MGAT5B: variants seen among roughly 807,000 people sequenced by gnomAD.
MGAT5B encodes the protein N-acetylglucosaminyl-transferase Vb.
Under a neutral mutation model 95.1 loss-of-function variants are expected in MGAT5B, and 54 were observed. That is an observed-to-expected ratio of 0.57 (90% CI 0.46 to 0.71). The LOEUF is 0.71. Ranked by LOEUF, MGAT5B falls within the 30% of genes least tolerant of loss-of-function variation. The probability of loss-of-function intolerance (pLI) is 0.00; values close to 1 mark genes in which losing one functional copy is unlikely to be tolerated. For synonymous variants in MGAT5B, 464 were observed against 451.0 expected (o/e 1.03, Z -0.36); for missense variants, 935 against 1,088.6 (o/e 0.86, Z 1.99).
intron 8 of MGAT5B, among the ~76,000 whole-genome samples, chr17:76,922,339 G>T (rs762700174): frequency 1.3e-5 from 2 of 152,202 alleles, no homozygotes; most frequent in South Asian, 2.1e-4. Context: ...TGCAAGGAAG[G>T]ATACAGAGGG....
At chr17:76,923,134 C>G (rs1427080887) in intron 8 of MGAT5B, among the ~76,000 whole-genome samples, 1 of 152,226 alleles carries the variant, frequency 6.6e-6, no homozygotes, top group African/African-American at 2.4e-5. Flanking sequence ...ATGGTGCGCA[C>G]AGTCCCCTCC....
chr17:76,890,662 C>A (rs1967830238), intron 3 of MGAT5B, among the ~76,000 whole-genome samples: 1 of 151,992 alleles, frequency 6.6e-6, no homozygotes, highest in African/African-American at 2.4e-5. Flanking sequence ...TGCCACCATC[C>A]CTGGCTAATT....
rs776718727 is a variant in MGAT5B, at chr17:76,882,219, C to T, written c.250C>T (p.Arg84Cys). The T allele has an allele frequency of 3.1e-6, 5 of 1,613,686 alleles. No homozygotes were observed. Among genetic ancestry groups the T allele is most frequent in the Admixed American group, 3.3e-5 (2 of 60,016 alleles). The change falls in exon 3 of 18, where the codon CGC (arginine) becomes TGC (cysteine). Residue 84 changes from arginine to cysteine, a missense_variant. By Grantham distance (180) the Arg-to-Cys change is radical. Around this residue, in one of 4 missense-constraint regions of MGAT5B, gnomAD observed 243 missense variants for 228.2 expected, o/e 1.06. Coordinates refer to ENST00000569840, the MANE Select transcript of MGAT5B (RefSeq NM_001199172.2). ...MSDLLELMVK[R>C]MDALARLENS... ...CGACCTGCTGGAGCTGATGGTGAAG[C>T]GCATGGACGCACTGGCCAGGCTGGA...
chr17:76,942,507 A>G (rs1969892440), intron 15 of MGAT5B, among the ~76,000 whole-genome samples: 1 of 152,178 alleles, frequency 6.6e-6, no homozygotes, highest in Non-Finnish European at 1.5e-5. Flanking sequence ...AGCCTCGGTG[A>G]CAGAGCGAGA....
Position 76,918,200 on chromosome 17 carries a change from C to T in MGAT5B, c.1026-6766C>T, listed in dbSNP as rs917192108. Among the ~76,000 whole-genome samples the T allele has an allele frequency of 5.3e-5, 8 of 152,078 alleles. No individual in the cohort carries two copies. The highest frequency in any genetic ancestry group is 3.9e-4 in the East Asian group (2 of 5,176). Reference sequence around the variant, plus strand: ...CGGAGGCTCCCCCCCAACAACTGCACGCCTTGTACCGCACCCCCACCCCCG... The same window carrying T: ...CGGAGGCTCCCCCCCAACAACTGCATGCCTTGTACCGCACCCCCACCCCCG... On this transcript the variant is annotated intron_variant, in intron 8 of 17. Coordinates refer to ENST00000569840, the MANE Select transcript of MGAT5B (RefSeq NM_001199172.2). This position sits in a 1 kb window ranked among gnomAD's most constrained non-coding sequence, Gnocchi z 5.1.
intron 3 of MGAT5B, among the ~76,000 whole-genome samples, chr17:76,896,830 G>A (rs1968079219): frequency 6.6e-6 from 1 of 152,156 alleles, no homozygotes. Flanking sequence ...AGCGGCAGGA[G>A]AATTAAAGCT....
intron 3 of MGAT5B, among the ~76,000 whole-genome samples, chr17:76,886,037 G>A (rs1598903881): frequency 6.6e-6 from 1 of 152,186 alleles, no homozygotes; most frequent in Admixed American, 6.5e-5. Context: ...GTTTCCTCAG[G>A]GAAAGTAAAT....
Position 76,946,390 on chromosome 17 carries a change from A to G in MGAT5B, c.1863A>G (p.Leu621=). 2.5e-6 allele frequency: 4 copies of G among 1,607,992 alleles called. No homozygotes were observed. Among genetic ancestry groups the G allele is most frequent in the Non-Finnish European group, 3.4e-6 (4 of 1,176,944 alleles). The part of the protein sequence containing the change: ...AIMRTQVDPY[L]PYEYTCEGML... ...CCCTCCCACAGGTAGACCCCTACCT[A>G]CCCTACGAGTACACCTGCGAGGGGA... The change falls in exon 16 of 18, where the codon CTA becomes CTG. Residue 621 remains leucine (L), a synonymous_variant. Coordinates refer to ENST00000569840, the MANE Select transcript of MGAT5B (RefSeq NM_001199172.2).
At chr17:76,901,042 A>G (rs113866386) in intron 3 of MGAT5B, among the ~76,000 whole-genome samples, 217 of 152,050 alleles carry the variant, frequency 1.4e-3, no homozygotes, top group African/African-American at 5.0e-3. Flanking sequence ...TGTCCCCTCC[A>G]CTTCGGTGTC....
chr17:76,895,086 C>T (rs540804003), intron 3 of MGAT5B, among the ~76,000 whole-genome samples: 45 of 152,206 alleles, frequency 3.0e-4, no homozygotes, highest in Admixed American at 2.3e-3. Context: ...TCATCGCTCG[C>T]GTTACCACTT....
At chr17:76,902,486 C>A in intron 3 of MGAT5B, 69 bp from the exon 4 acceptor site, 1 of 1,209,426 alleles carries the variant, frequency 8.3e-7, no homozygotes, top group Non-Finnish European at 1.2e-6. Flanking sequence ...GTGGGCCTTA[C>A]TGGCAGGACC....
In MGAT5B at chr17:76,869,618, G is replaced by T. The variant is rs1280931248; in HGVS notation, c.68+521G>T. On this transcript the variant is annotated intron_variant, in intron 1 of 17. Coordinates refer to ENST00000569840, the MANE Select transcript of MGAT5B (RefSeq NM_001199172.2). The surrounding 1 kb of genome is among the most constrained non-coding windows in gnomAD (Gnocchi z 7.0). Reference sequence around the variant, plus strand: ...CACTGCTCTCCTCCCCGCGGGGCTCGGGCCTGGCTCCGACGAGAGGGTCCC... The same window carrying T: ...CACTGCTCTCCTCCCCGCGGGGCTCTGGCCTGGCTCCGACGAGAGGGTCCC... Among the ~76,000 whole-genome samples the T allele has an allele frequency of 1.3e-5, 2 of 152,186 alleles. No individual in the cohort carries two copies. The highest frequency in any genetic ancestry group is 2.9e-5 in the Non-Finnish European group (2 of 68,014).
At chr17:76,936,755 G>T (rs1212844943) in intron 12 of MGAT5B, among the ~76,000 whole-genome samples, 1 of 152,198 alleles carries the variant, frequency 6.6e-6, no homozygotes, top group Non-Finnish European at 1.5e-5. Context: ...ACCACACTGT[G>T]TGTGGGTCTA....
At chr17:76,872,620 G>T (rs1231570025) in intron 1 of MGAT5B, 1 of 1,449,668 alleles carries the variant, frequency 6.9e-7, no homozygotes, top group Non-Finnish European at 9.1e-7. Flanking sequence ...GCGTCATTCT[G>T]CCTTGTGGTT....
chr17:76,938,183 C>T lies in MGAT5B; in HGVS notation c.1584+40C>T, dbSNP rs1172137418. The stretch of plus-strand genomic sequence containing the variant: ...CCCGCACCATTCTCACACTTGCCGG[C>T]TGCAGACACTGAGGTCACCACCCAT... On this transcript the variant is annotated intron_variant, in intron 13 of 17. Transcript: ENST00000569840. The surrounding 1 kb of genome is among the most constrained non-coding windows in gnomAD (Gnocchi z 4.3). The T allele has an allele frequency of 6.2e-7, 1 of 1,606,156 alleles. No individual in the cohort carries two copies. The highest frequency in any genetic ancestry group is 8.5e-7 in the Non-Finnish European group (1 of 1,175,236).
chr17:76,897,923 G>A (rs1218336753), intron 3 of MGAT5B, among the ~76,000 whole-genome samples: 1 of 151,484 alleles, frequency 6.6e-6, no homozygotes, highest in African/African-American at 2.4e-5. Flanking sequence ...AGGCATGGTG[G>A]CACATGCCTG....
intron 17 of MGAT5B, 82 bp from the exon 18 acceptor site, chr17:76,948,558 G>A (rs974900226): frequency 3.6e-6 from 5 of 1,390,998 alleles, no homozygotes; most frequent in Admixed American, 2.0e-5. Flanking sequence ...GCAGGACTAG[G>A]CTGGGGGCAG....
intron 3 of MGAT5B, among the ~76,000 whole-genome samples, chr17:76,897,738 T>C (rs1458494104): frequency 2.7e-5 from 4 of 147,458 alleles, no homozygotes; most frequent in East Asian, 3.9e-4. Context: ...TTTCTTTTTT[T>C]TTTTTTTTTT....
chr17:76,948,309 T>C (rs911671521), intron 17 of MGAT5B, among the ~76,000 whole-genome samples: 1 of 152,170 alleles, frequency 6.6e-6, no homozygotes, highest in Middle Eastern at 3.2e-3. Flanking sequence ...GGAAAGCTCC[T>C]TCCATTGCCT....
Sources: allele counts gnomAD v4.1 joint callset (sites outside exome capture counted in the v4.1 genomes callset), GRCh38; gene constraint gnomAD v4.1.1; regional missense constraint gnomAD v4.1.1; non-coding constraint Gnocchi (gnomAD v3.1); transcripts MANE v1.5; gene names NCBI Gene and HGNC (gene_info 2026-07-23, HGNC 2026-07-21).